Variants in LDB2 observed in about 807,000 individuals in gnomAD.
LDB2 encodes the protein LIM domain-binding protein 2.
Under a neutral mutation model 44.3 loss-of-function variants are expected in LDB2, and 12 were observed. That is an observed-to-expected ratio of 0.27 (90% CI 0.17 to 0.44). The LOEUF (loss-of-function observed/expected upper bound fraction) is 0.44. LDB2 is among the 20% of genes least tolerant of loss of function. LDB2 has a pLI of 1.00. For synonymous variants in LDB2, 164 were observed against 174.8 expected (o/e 0.94, Z 0.49); for missense variants, 344 against 473.5 (o/e 0.73, Z 2.54).
chr4:16,569,469 A>T (rs958742914), intron 5 of LDB2, among the ~76,000 whole-genome samples: 2 of 152,242 alleles, frequency 1.3e-5, no homozygotes, highest in Admixed American at 6.5e-5. Context: ...AGCAATATGT[A>T]TGAGACTCTG....
At chr4:16,543,094 G>A (rs1734452317) in intron 5 of LDB2, among the ~76,000 whole-genome samples, 2 of 152,032 alleles carry the variant, frequency 1.3e-5, no homozygotes, top group Admixed American at 6.6e-5. Flanking sequence ...CCCTACAAAG[G>A]ACATGAATTC....
intron 1 of LDB2, among the ~76,000 whole-genome samples, chr4:16,811,362 G>C (rs1424661459): frequency 6.6e-6 from 1 of 152,158 alleles, no homozygotes; most frequent in Non-Finnish European, 1.5e-5. Context: ...GATGCTTTCT[G>C]TCAGATTGAT....
intron 1 of LDB2, among the ~76,000 whole-genome samples, chr4:16,809,131 A>G (rs76045980): frequency 8.9e-4 from 136 of 152,306 alleles, no homozygotes; most frequent in African/African-American, 2.6e-3. Context: ...CAGAGCTACA[A>G]TTGAAAAGAG....
chr4:16,660,314 C>T (rs1367365568), intron 2 of LDB2, among the ~76,000 whole-genome samples: 4 of 152,094 alleles, frequency 2.6e-5, no homozygotes, highest in Middle Eastern at 3.2e-3. Flanking sequence ...TTGTACTGGC[C>T]ATCAAGGGGC....
At chr4:16,502,985 AC>A (rs1717906659) in intron 7 of LDB2, 112 bp from the exon 8 acceptor site, 5 of 1,604,090 alleles carry the variant, frequency 3.1e-6, no homozygotes, top group Non-Finnish European at 4.3e-6. Context: ...CGTGTACTGT[AC>A]AACGGGGTCA....
chr4:16,814,079 CCAGGATGGTCT>C lies in LDB2; in HGVS notation c.133-54830_133-54820del, dbSNP rs1780448459. Among the ~76,000 whole-genome samples, 4 of 152,192 alleles carry C rather than the reference CCAGGATGGTCT, an allele frequency of 2.6e-5. No homozygotes were observed. The South Asian group carries it at 8.3e-4, about 32-fold the overall frequency. ...CTAGAGACGGGGTTTCACTTGTTAG[CCAGGATGGTCT>C]CGATCTCCTGACCTCGTGATCCGCC... On this transcript the variant is annotated intron_variant, in intron 1 of 7. Transcript: ENST00000304523.
chr4:16,823,246 TGAG>T (rs1260601953), intron 1 of LDB2, among the ~76,000 whole-genome samples: 1 of 152,218 alleles, frequency 6.6e-6, no homozygotes, highest in Non-Finnish European at 1.5e-5. Context: ...TGAAGTCAAG[TGAG>T]GAGGTTTAGT....
chr4:16,601,810 G>A (rs1722642302), intron 2 of LDB2, among the ~76,000 whole-genome samples: 1 of 152,106 alleles, frequency 6.6e-6, no homozygotes, highest in Non-Finnish European at 1.5e-5. Flanking sequence ...TCAGAAATCA[G>A]TAAATGCATT....
intron 5 of LDB2, among the ~76,000 whole-genome samples, chr4:16,557,908 C>T (rs535919028): frequency 7.9e-5 from 12 of 152,292 alleles, no homozygotes; most frequent in East Asian, 3.9e-4. Flanking sequence ...TCGTGGCGCA[C>T]GAAACTCCGC....
intron 2 of LDB2, among the ~76,000 whole-genome samples, chr4:16,601,374 G>T (rs1560597161): frequency 1.3e-5 from 2 of 152,230 alleles, no homozygotes; most frequent in South Asian, 2.1e-4. Flanking sequence ...TACAATTTTA[G>T]ATGCCTGCAA....
chr4:16,897,952 A>ATATATATATATATATACACATATG (rs1725777159), intron 1 of LDB2, among the ~76,000 whole-genome samples: 1 of 72,384 alleles, frequency 1.4e-5, no homozygotes, highest in South Asian at 4.6e-4. Context: ...ATATGTATAT[A>ATATATATATATATATACACATATG]TATATATATA....
intron 2 of LDB2, among the ~76,000 whole-genome samples, chr4:16,726,170 A>G (rs1315674308): frequency 6.6e-6 from 1 of 152,120 alleles, no homozygotes; most frequent in African/African-American, 2.4e-5. Flanking sequence ...TATTTACTCA[A>G]TTGCCACCTA....
intron 5 of LDB2, among the ~76,000 whole-genome samples, chr4:16,567,701 C>T (rs538918879): frequency 2.0e-5 from 3 of 152,148 alleles, no homozygotes; most frequent in Non-Finnish European, 2.9e-5. Context: ...ACCCGGGAGG[C>T]GAAGCTTGCA....
intron 2 of LDB2, among the ~76,000 whole-genome samples, chr4:16,599,274 CTTGT>C (rs1286231684): frequency 6.6e-6 from 1 of 152,134 alleles, no homozygotes; most frequent in East Asian, 1.9e-4. Flanking sequence ...AATCTATCTT[CTTGT>C]TTGTTTCATC....
At chr4:16,634,506 A>G (rs1196253603) in intron 2 of LDB2, among the ~76,000 whole-genome samples, 3 of 152,200 alleles carry the variant, frequency 2.0e-5, no homozygotes, top group Admixed American at 1.3e-4. Context: ...CACTTTTCAA[A>G]AGAAGACATT....
intron 2 of LDB2, among the ~76,000 whole-genome samples, chr4:16,643,336 T>C (rs1735738814): frequency 6.6e-6 from 1 of 152,216 alleles, no homozygotes; most frequent in Non-Finnish European, 1.5e-5. Flanking sequence ...ATAACTGCTC[T>C]GAGCTTCCTA....
intron 2 of LDB2, among the ~76,000 whole-genome samples, chr4:16,747,466 A>G (rs1764626304): frequency 6.6e-6 from 1 of 152,216 alleles, no homozygotes; most frequent in Non-Finnish European, 1.5e-5. Flanking sequence ...ATGAGAATTA[A>G]GTTATTTTAT....
chr4:16,893,523 C>A (rs889608240), intron 1 of LDB2, among the ~76,000 whole-genome samples: 5 of 135,618 alleles, frequency 3.7e-5, no homozygotes, highest in African/African-American at 1.4e-4. Context: ...CTCCTCCCCA[C>A]CCCCTCCCCA....
At chr4:16,799,086 C>T (rs1424430139) in intron 1 of LDB2, among the ~76,000 whole-genome samples, 1 of 152,192 alleles carries the variant, frequency 6.6e-6, no homozygotes, top group East Asian at 1.9e-4. Flanking sequence ...ATCTCCTGAC[C>T]TCGTGATCCG....
Sources: allele counts gnomAD v4.1 joint callset (sites outside exome capture counted in the v4.1 genomes callset), GRCh38; gene constraint gnomAD v4.1.1; transcripts MANE v1.5; gene names NCBI Gene and HGNC (gene_info 2026-07-23, HGNC 2026-07-21).